The following TSHR variants were observed in gnomAD, a reference collection of about 807,000 sequenced individuals.
TSHR encodes the protein thyrotropin receptor.
In TSHR, 51 loss-of-function variants were observed where a neutral mutation model predicts 64.1. That is an observed-to-expected ratio of 0.80 (90% CI 0.64 to 1.01). The LOEUF (loss-of-function observed/expected upper bound fraction) is 1.01, where lower values mean the gene tolerates loss of function less well. Among genes scored for constraint, TSHR ranks in the 50% least tolerant of loss-of-function variants. The probability of loss-of-function intolerance (pLI) is 0.00; values close to 1 mark genes in which losing one functional copy is unlikely to be tolerated. For missense variants in TSHR, 877 were observed against 942.8 expected (o/e 0.93, Z 0.91); for synonymous variants, 361 against 361.9 (o/e 1.00, Z 0.03).
intron 8 of TSHR, among the ~76,000 whole-genome samples, chr14:81,115,986 A>AT (rs1175081474): frequency 1.3e-5 from 2 of 152,242 alleles, no homozygotes; most frequent in South Asian, 2.1e-4. Context: ...ATGCTGAGAG[A>AT]TTTTCTCACC....
intron 8 of TSHR, among the ~76,000 whole-genome samples, chr14:81,120,891 A>G (rs548450736): frequency 2.1e-4 from 32 of 152,206 alleles, no homozygotes; most frequent in Non-Finnish European, 4.4e-4. Context: ...TCAGAAAACA[A>G]TAAAAGAGCT....
chr14:81,139,831 A>C lies in TSHR; in HGVS notation c.845A>C (p.His282Pro), dbSNP rs1011447699. The change falls in exon 9 of 10, where the codon CAC becomes CCC. Residue 282 changes from histidine to proline, a missense_variant. His to Pro is a moderately conservative substitution (Grantham distance 77). Transcript: ENST00000298171. ...LTRADLSYPS[H>P]CCAFKNQKKI... ...CGGGCTGACCTTTCTTACCCAAGCC[A>C]CTGCTGTGCTTTTAAGAATCAGAAG... The C allele has an allele frequency of 6.2e-7, 1 of 1,614,090 alleles. No individual in the cohort carries two copies. The highest frequency in any genetic ancestry group is 1.3e-5 in the African/African-American group (1 of 74,924).
chr14:81,054,481 G>A (rs909418247), intron 1 of TSHR, among the ~76,000 whole-genome samples: 3 of 152,140 alleles, frequency 2.0e-5, no homozygotes, highest in African/African-American at 7.2e-5. Context: ...AGTTTCGAGG[G>A]CTCAGAAGAA....
At chr14:81,034,174 G>C (rs1170221084) in intron 1 of TSHR, among the ~76,000 whole-genome samples, 1 of 152,158 alleles carries the variant, frequency 6.6e-6, no homozygotes, top group Non-Finnish European at 1.5e-5. Flanking sequence ...TCCTTGTTAT[G>C]GGTCATGCTC....
chr14:81,025,337 T>C (rs1883991118), intron 1 of TSHR, among the ~76,000 whole-genome samples: 1 of 152,040 alleles, frequency 6.6e-6, no homozygotes, highest in Non-Finnish European at 1.5e-5. Flanking sequence ...GTTGCAAATC[T>C]CCAAAAAAGG....
chr14:80,978,094 AACACACACACACACACAC>A (rs60697218), intron 1 of TSHR, among the ~76,000 whole-genome samples: 1 of 146,386 alleles, frequency 6.8e-6, no homozygotes, highest in African/African-American at 2.6e-5. Flanking sequence ...ACATCCCTCC[AACACACACACACACACAC>A]ACACACACAC....
intron 1 of TSHR, chr14:81,051,071 C>T (rs1885407562): frequency 6.4e-6 from 1 of 156,334 alleles, no homozygotes; most frequent in South Asian, 2.0e-4. Flanking sequence ...TCATACCCTG[C>T]TTCTGCTTTA....
At chr14:81,079,183 G>A (rs189348612) in intron 3 of TSHR, among the ~76,000 whole-genome samples, 2 of 152,278 alleles carry the variant, frequency 1.3e-5, no homozygotes, top group Admixed American at 1.3e-4. Context: ...AAGTATGCAT[G>A]TAATAAAGAT....
rs139670361 is a variant in TSHR, at chr14:80,955,860, C to T, written c.170+10C>T. ...CCAGTACGCAGACTCTGTGAGTACC[C>T]GGGAGAGATCAGGGTAGGACCCAGA... On this transcript the variant is annotated intron_variant, in intron 1 of 9. Coordinates refer to ENST00000298171, the MANE Select transcript of TSHR (RefSeq NM_000369.5). 1.1e-5 allele frequency: 17 copies of T among 1,614,044 alleles called. No homozygotes were observed. Among genetic ancestry groups the T allele is most frequent in the Admixed American group, 1.7e-5 (1 of 60,020 alleles).
At chr14:81,083,644 C>A (rs1888070078) in intron 3 of TSHR, among the ~76,000 whole-genome samples, 1 of 152,148 alleles carries the variant, frequency 6.6e-6, no homozygotes, top group Non-Finnish European at 1.5e-5. Context: ...ATGTTGCTCC[C>A]TCACTAGGAG....
chr14:81,044,026 G>C (rs549708727), intron 1 of TSHR, among the ~76,000 whole-genome samples: 4 of 152,076 alleles, frequency 2.6e-5, no homozygotes, highest in African/African-American at 7.2e-5. Context: ...ATATGCACAG[G>C]CAAAGATTTC....
chr14:80,970,842 G>A (rs559933207), intron 1 of TSHR, among the ~76,000 whole-genome samples: 1 of 152,222 alleles, frequency 6.6e-6, no homozygotes, highest in African/African-American at 2.4e-5. Context: ...GTGAGACAGG[G>A]TCTCACTCTG....
chr14:80,968,485 A>G lies in TSHR; in HGVS notation c.170+12635A>G, dbSNP rs549612557. Among the ~76,000 whole-genome samples the G allele has an allele frequency of 1.5e-4, 23 of 152,236 alleles. 1 individual carries two copies. The highest frequency in any genetic ancestry group is 5.5e-4 in the African/African-American group (23 of 41,524). On this transcript the variant is annotated intron_variant, in intron 1 of 9. Transcript: ENST00000298171. ...GACATAATGCAAGAGGGTTTGGGAA[A>G]TAAACTAGTCTGCCCTGCTGCAGCT...
chr14:81,011,771 G>T (rs973695771), intron 1 of TSHR, among the ~76,000 whole-genome samples: 4 of 152,070 alleles, frequency 2.6e-5, no homozygotes, highest in Non-Finnish European at 5.9e-5. Flanking sequence ...TGGAAAATAT[G>T]AGTTAAGTGT....
chr14:81,127,945 C>G (rs1309703448), intron 8 of TSHR, among the ~76,000 whole-genome samples: 1 of 152,174 alleles, frequency 6.6e-6, no homozygotes, highest in Non-Finnish European at 1.5e-5. Context: ...GCCCTGGTTT[C>G]CTTTTGTCAC....
chr14:81,143,264 C>G lies in TSHR; in HGVS notation c.1206C>G (p.Ser402=), dbSNP rs150524100. The change falls in exon 10 of 10, where the codon TCC becomes TCG. Residue 402 remains serine, a synonymous_variant. Transcript: ENST00000298171. ...AAGACATGGTGTGTACCCCCAAGTC[C>G]GATGAGTTCAACCCGTGTGAAGACA... ...DSEDMVCTPK[S]DEFNPCEDIM... is the part of the protein sequence containing the mutation. 6 of 1,614,096 alleles carry G rather than the reference C, an allele frequency of 3.7e-6. No homozygotes were observed. In the East Asian group the frequency reaches 1.3e-4, roughly 36 times the overall value.
At chr14:81,106,116 G>A (rs1014752190) in intron 7 of TSHR, among the ~76,000 whole-genome samples, 1 of 152,158 alleles carries the variant, frequency 6.6e-6, no homozygotes, top group Non-Finnish European at 1.5e-5. Flanking sequence ...ATCTTAGCCA[G>A]GTCTCTGAAT....
chr14:81,145,160 CCT>C lies in TSHR; in HGVS notation c.*808_*809del, dbSNP rs1446453082. 1 of 232,932 alleles carries C rather than the reference CCT, an allele frequency of 4.3e-6. No homozygotes were observed. Among genetic ancestry groups the C allele is most frequent in the Non-Finnish European group, 8.5e-6 (1 of 117,978 alleles). 14.4% of individuals were successfully genotyped at this position (232,932 alleles called of 1,614,324 possible). ...ATTATGGGCAGAGCACACTCAATCCCCTGTTGATTAATAAAACAGGCTGGACA... is the reference window on the plus strand; with the variant it reads ...ATTATGGGCAGAGCACACTCAATCCCGTTGATTAATAAAACAGGCTGGACA... On this transcript the variant is annotated 3_prime_UTR_variant, in exon 10 of 10. Coordinates refer to ENST00000298171, the MANE Select transcript of TSHR (RefSeq NM_000369.5).
rs1409806857 is a variant in TSHR at position 81,143,159 on chromosome 14, C to T, written c.1101C>T (p.Gly367=). The T allele has an allele frequency of 6.2e-7, 1 of 1,614,126 alleles. No individual in the cohort carries two copies. The highest frequency in any genetic ancestry group is 8.5e-7 in the Non-Finnish European group (1 of 1,180,012). The change falls in exon 10 of 10, where the codon GGC becomes GGT. Residue 367 remains glycine, a synonymous_variant. Coordinates refer to ENST00000298171, the MANE Select transcript of TSHR (RefSeq NM_000369.5). ...EEQEDEIIGF[G]QELKNPQEET... Reference sequence around the variant, plus strand: ...AAGAGGATGAGATCATTGGTTTTGGCCAGGAGCTCAAAAACCCCCAGGAAG... The same window carrying T: ...AAGAGGATGAGATCATTGGTTTTGGTCAGGAGCTCAAAAACCCCCAGGAAG...
Sources: gnomAD v4.1 joint callset for allele counts (sites outside exome capture counted in the v4.1 genomes callset) on GRCh38, gnomAD v4.1.1 for gene constraint, MANE v1.5 for transcripts, NCBI Gene and HGNC (gene_info 2026-07-23, HGNC 2026-07-21) for gene names.